Variants in MCM3AP observed in about 807,000 individuals in gnomAD.
The protein encoded by MCM3AP is minichromosome maintenance complex component 3 associated protein.
Under a neutral mutation model 184.1 loss-of-function variants are expected in MCM3AP, and 126 were observed. The ratio of observed to expected loss-of-function variants is 0.68; its 90% CI spans 0.59 to 0.79. The LOEUF (loss-of-function observed/expected upper bound fraction) is 0.79. MCM3AP is among the 30% of genes least tolerant of loss of function. The pLI is 0.00. For missense variants in MCM3AP, 2,496 were observed against 2,479.2 expected (o/e 1.01, Z -0.14); for synonymous variants, 1,002 against 979.3 (o/e 1.02, Z -0.43).
At chr21:46,256,187 A>G (rs944565794) in intron 17 of MCM3AP, among the ~76,000 whole-genome samples, 3 of 151,200 alleles carry the variant, frequency 2.0e-5, no homozygotes, top group African/African-American at 7.4e-5. Flanking sequence ...TTCTAAATAA[A>G]GGCCAAGCCC....
At chr21:46,255,733 A>G (rs2080940853) in intron 17 of MCM3AP, among the ~76,000 whole-genome samples, 1 of 151,786 alleles carries the variant, frequency 6.6e-6, no homozygotes, top group Admixed American at 6.6e-5. Flanking sequence ...CAGGGGTGAC[A>G]GGGCTATCAC....
chr21:46,273,613 C>A, intron 6 of MCM3AP, 28 bp from the exon 7 acceptor site: 1 of 1,600,488 alleles, frequency 6.2e-7, no homozygotes, highest in Non-Finnish European at 8.6e-7. Flanking sequence ...AGACAGGATG[C>A]CCATGTGGCA....
rs199517258 is a variant in MCM3AP, at chr21:46,265,354, C to T, written c.3201G>A (p.Pro1067=). 70 of 1,613,914 alleles carry T rather than the reference C, an allele frequency of 4.3e-5. 1 individual carries two copies. The African/African-American group carries it at 5.1e-4, about 12-fold the overall frequency. The change falls in exon 12 of 28, where the codon CCG becomes CCA. Residue 1067 remains proline, a synonymous_variant. Coordinates refer to ENST00000291688, the MANE Select transcript of MCM3AP (RefSeq NM_003906.5). The part of the protein sequence containing the change: ...LFQLSVQPEP[P]PPEPVPMYSD... ...AGTACATGGGCACGGGCTCTGGAGG[C>T]GGTGGTTCAGGCTGCACAGACAGCT...
At chr21:46,262,372 G>A (rs1018357092) in intron 13 of MCM3AP, among the ~76,000 whole-genome samples, 3 of 152,202 alleles carry the variant, frequency 2.0e-5, no homozygotes, top group African/African-American at 4.8e-5. Context: ...GACTGAGCAG[G>A]CACAGTGGCT....
At chr21:46,255,237 G>C (rs1038069430) in intron 17 of MCM3AP, among the ~76,000 whole-genome samples, 3 of 152,174 alleles carry the variant, frequency 2.0e-5, no homozygotes, top group African/African-American at 7.2e-5. Context: ...GGAAACAGGG[G>C]GAGCCAGCGT....
chr21:46,253,686 C>T (rs1363684601), intron 19 of MCM3AP: 1 of 151,728 alleles, frequency 6.6e-6, no homozygotes, highest in Non-Finnish European at 1.5e-5. Flanking sequence ...GACAACTCCC[C>T]CTCACTGTTC....
Position 46,235,375 on chromosome 21 carries a change from G to C in MCM3AP, c.5836C>G (p.Leu1946Val). 1 of 1,614,066 alleles carries C rather than the reference G, an allele frequency of 6.2e-7. No individual in the cohort carries two copies. Among genetic ancestry groups the C allele is most frequent in the Non-Finnish European group, 8.5e-7 (1 of 1,179,980 alleles). ...LQLSEATGTCLGERLKHLERL... is the reference protein window; with the variant it reads ...LQLSEATGTCVGERLKHLERL... ...TCCAGGTGCTTTAGTCGTTCGCCTA[G>C]ACACGTTCCTGTCGCCTCTGACAGC... Residue 1946 changes from leucine (L) to valine (V), a missense_variant, in exon 28 of 28, where the codon CTA becomes GTA. Physicochemically the swap from Leu to Val is conservative, Grantham distance 32. Around this residue, in one of 5 missense-constraint regions of MCM3AP, gnomAD observed 1,323 missense variants for 1,273.4 expected, o/e 1.04. Transcript: ENST00000291688.
At chr21:46,244,288 T>C (rs1169902082) in intron 23 of MCM3AP, among the ~76,000 whole-genome samples, 1 of 152,256 alleles carries the variant, frequency 6.6e-6, no homozygotes, top group Non-Finnish European at 1.5e-5. Context: ...GCCAGCCAGA[T>C]GGCCTGTCGG....
In MCM3AP at chr21:46,235,856, CTCCTGGACTTAA is replaced by C. The variant is rs558742537; in HGVS notation, c.5785-442_5785-431del. Among the ~76,000 whole-genome samples, 42 of 152,300 alleles carry C rather than the reference CTCCTGGACTTAA, an allele frequency of 2.8e-4. 2 individuals are homozygous for C. The South Asian group carries it at 7.9e-3, about 29-fold the overall frequency. ...TTATGTTGCCCAGGCTGGACTCAAGCTCCTGGACTTAAGCGATCCTCCCTCATCAGCCTCCCA... is the reference window on the plus strand; with the variant it reads ...TTATGTTGCCCAGGCTGGACTCAAGCGCGATCCTCCCTCATCAGCCTCCCA... On this transcript the variant is annotated intron_variant, in intron 27 of 27. Transcript: ENST00000291688.
Position 46,285,038 on chromosome 21 carries a change from G to C in MCM3AP, c.249C>G (p.Pro83=), listed in dbSNP as rs764067253. 1.4e-5 allele frequency: 23 copies of C among 1,614,164 alleles called. No homozygotes were observed. Among genetic ancestry groups the C allele is most frequent in the Non-Finnish European group, 1.7e-5 (20 of 1,180,034 alleles). The change falls in exon 1 of 28, where the codon CCC becomes CCG. Residue 83 remains proline (P), a synonymous_variant. Coordinates refer to ENST00000291688, the MANE Select transcript of MCM3AP (RefSeq NM_003906.5). Reference sequence around the variant, plus strand: ...TGGAAGTGTGCTCAAGTCCAGAAAAGGGTCCAACACTTGAGGTTTGGGTGA... The same window carrying C: ...TGGAAGTGTGCTCAAGTCCAGAAAACGGTCCAACACTTGAGGTTTGGGTGA... ...LGFTQTSSVG[P]FSGLEHTSTF...
At chr21:46,241,275 TC>T in intron 25 of MCM3AP, 2 of 399,608 alleles carry the variant, frequency 5.0e-6, no homozygotes, top group Non-Finnish European at 9.0e-6. Flanking sequence ...GACTGCCTGT[TC>T]CTCTTGGAAG....
chr21:46,236,617 C>A (rs2080530080), intron 27 of MCM3AP, among the ~76,000 whole-genome samples: 1 of 152,160 alleles, frequency 6.6e-6, no homozygotes, highest in Non-Finnish European at 1.5e-5. Context: ...TATTTCAATT[C>A]TATTCTTCAT....
At chr21:46,274,250 T>C (rs1231901706) in intron 6 of MCM3AP, among the ~76,000 whole-genome samples, 2 of 152,236 alleles carry the variant, frequency 1.3e-5, no homozygotes, top group Non-Finnish European at 2.9e-5. Context: ...AGGATCTATA[T>C]TGGTGCAGCT....
In MCM3AP at chr21:46,246,882, G is replaced by C; in HGVS notation, c.4295C>G (p.Ala1432Gly). 1 of 1,613,448 alleles carries C rather than the reference G, an allele frequency of 6.2e-7. No homozygotes were observed. Among genetic ancestry groups the C allele is most frequent in the Non-Finnish European group, 8.5e-7 (1 of 1,179,430 alleles). ...MISVNVCIKV[A>G]HGALSDGAID... ...GGCACCATCACTGAGGGCGCCATGG[G>C]CCACCTGCAACAGCATCAAGATCAT... is the stretch of plus-strand genomic sequence containing the variant. Residue 1432 changes from alanine (A) to glycine (G), a missense_variant, in exon 21 of 28, where the codon GCC (alanine) becomes GGC (glycine). By Grantham distance (60) the Ala-to-Gly change is moderately conservative. Around this residue, in one of 5 missense-constraint regions of MCM3AP, gnomAD observed 1,323 missense variants for 1,273.4 expected, o/e 1.04. Transcript: ENST00000291688.
chr21:46,270,236 C>A, intron 9 of MCM3AP, 165 bp downstream of exon 9: 2 of 594,334 alleles, frequency 3.4e-6, no homozygotes, highest in Non-Finnish European at 2.9e-6. Flanking sequence ...AGTGATAACC[C>A]CTATAAAACA....
chr21:46,235,433 G>C lies in MCM3AP; in HGVS notation c.5785-7C>G, dbSNP rs2080503534. The C allele has an allele frequency of 6.2e-7, 1 of 1,613,114 alleles. No individual in the cohort carries two copies. Among genetic ancestry groups the C allele is most frequent in the Non-Finnish European group, 8.5e-7 (1 of 1,179,548 alleles). ...GCTCCCTCATCATGTCACTCTATTT[G>C]AATAAAAAAGAAACTGAACAGTTTT... On this transcript the variant is annotated splice_region_variant and splice_polypyrimidine_tract_variant and intron_variant, in intron 27 of 27. Transcript: ENST00000291688.
At chr21:46,238,988 G>A (rs1233211697) in intron 26 of MCM3AP, among the ~76,000 whole-genome samples, 2 of 152,218 alleles carry the variant, frequency 1.3e-5, no homozygotes, top group Non-Finnish European at 2.9e-5. Flanking sequence ...CAAGAAGGTC[G>A]GAGATGGGCA....
intron 5 of MCM3AP, among the ~76,000 whole-genome samples, chr21:46,276,862 C>A (rs1258291477): frequency 6.6e-6 from 1 of 152,154 alleles, no homozygotes; most frequent in Admixed American, 6.5e-5. Flanking sequence ...CTCAGCCTCC[C>A]AGGTAGCTGG....
chr21:46,256,821 G>A lies in MCM3AP; in HGVS notation c.3900C>T (p.Gly1300=), dbSNP rs1008482420. The A allele has an allele frequency of 1.3e-6, 2 of 1,561,458 alleles. No individual in the cohort carries two copies. The highest frequency in any genetic ancestry group is 2.4e-5 in the East Asian group (1 of 42,124). ...AGGAGATGCCCAATCTCCCTGCATG[G>A]CCCAGGTCCAGGAGGCCCCTGGCCA... is the stretch of plus-strand genomic sequence containing the variant. The part of the protein sequence containing the change: ...ENLARGLLDL[G]HAGRLGISCT... The change falls in exon 17 of 28, where the codon GGC becomes GGT. Residue 1300 remains glycine (G), a synonymous_variant. Coordinates refer to ENST00000291688, the MANE Select transcript of MCM3AP (RefSeq NM_003906.5).
Sources: gnomAD v4.1 joint callset for allele counts (sites outside exome capture counted in the v4.1 genomes callset) on GRCh38, gnomAD v4.1.1 for gene constraint, gnomAD v4.1.1 regional missense constraint, MANE v1.5 for transcripts, NCBI Gene and HGNC (gene_info 2026-07-23, HGNC 2026-07-21) for gene names.